KCNC1: variants seen among roughly 807,000 people sequenced by gnomAD.
KCNC1 encodes the protein potassium voltage-gated channel subfamily C member 1, also known as voltage-gated potassium channel KCNC1.
A neutral mutation model predicts 43.4 loss-of-function variants in KCNC1; 8 were observed. That is an observed-to-expected ratio of 0.18 (90% confidence interval 0.11 to 0.33). KCNC1 has a LOEUF of 0.33. Ranked by LOEUF, KCNC1 falls within the 10% of genes least tolerant of loss-of-function variation. The pLI, the probability that KCNC1 is intolerant of heterozygous loss-of-function variation, is 1.00. For missense variants in KCNC1, 420 were observed against 836.0 expected (o/e 0.50, Z 6.14); for synonymous variants, 361 against 360.5 (o/e 1.00, Z -0.01).
chr11:17,753,482 G>T (rs10832857), intron 1 of KCNC1, among the ~76,000 whole-genome samples: 1 of 152,106 alleles, frequency 6.6e-6, no homozygotes, highest in South Asian at 2.1e-4. Flanking sequence ...GCCTCTGGCC[G>T]GCACTAGGCA....
At chr11:17,764,264 C>T (rs557890634) in intron 1 of KCNC1, among the ~76,000 whole-genome samples, 4 of 128,724 alleles carry the variant, frequency 3.1e-5, no homozygotes, top group Non-Finnish European at 6.2e-5. Flanking sequence ...CACACACCAC[C>T]GCACACAAAG....
chr11:17,776,932 A>T lies in KCNC1; in HGVS notation c.1505-2524A>T. ...GGCCTGGGCCCCTTCACAGAGCAAG[A>T]CTTAAGCTTCCCCACCCAATCATTA... On this transcript the variant is annotated intron_variant, in intron 2 of 3. Transcript: ENST00000265969. The surrounding 1 kb of genome is among the most constrained non-coding windows in gnomAD (Gnocchi z 4.4). The T allele has an allele frequency of 5.1e-6, 5 of 985,372 alleles. No individual in the cohort carries two copies. The highest frequency in any genetic ancestry group is 6.0e-6 in the Non-Finnish European group (5 of 829,954). 61.0% of individuals were successfully genotyped at this position (985,372 alleles called of 1,614,324 possible).
In KCNC1 at chr11:17,741,222, AC is replaced by A. The variant is rs1454926163; in HGVS notation, c.570+4656del. Among the ~76,000 whole-genome samples, 3 of 52,638 alleles carry A rather than the reference AC, an allele frequency of 5.7e-5. No homozygotes were observed. In the Admixed American group the frequency reaches 7.0e-4, roughly 12 times the overall value. 34.5% of individuals were successfully genotyped at this position (52,638 alleles called of 152,430 possible). ...TTGAATGGTTCCTCCAGCTCCCCCC[AC>A]CCCCCTCCCAGTAATGAAAATCATA... On this transcript the variant is annotated intron_variant, in intron 1 of 3. Coordinates refer to ENST00000265969, the MANE Select transcript of KCNC1 (RefSeq NM_001112741.2).
At chr11:17,766,454 C>A (rs1004703702) in intron 1 of KCNC1, among the ~76,000 whole-genome samples, 3 of 152,116 alleles carry the variant, frequency 2.0e-5, no homozygotes, top group African/African-American at 7.2e-5. Flanking sequence ...GGAAGCAGTC[C>A]CCTAATCTTG....
At position 17,739,058 on chromosome 11, in the gene KCNC1, T is replaced by C. The variant is rs1445260694; in HGVS notation, c.570+2486T>C. Among the ~76,000 whole-genome samples, 2 of 152,190 alleles carry C rather than the reference T, an allele frequency of 1.3e-5. No individual in the cohort carries two copies. The highest frequency in any genetic ancestry group is 2.9e-5 in the Non-Finnish European group (2 of 68,032). On this transcript the variant is annotated intron_variant, in intron 1 of 3. Transcript: ENST00000265969. This position sits in a 1 kb window ranked among gnomAD's most constrained non-coding sequence, Gnocchi z 4.2. Reference sequence around the variant, plus strand: ...CCCGGCTGGCCTAGCTGCACTGCGCTGCCTCTCTGCGGCTCATCTGCGCAC... The same window carrying C: ...CCCGGCTGGCCTAGCTGCACTGCGCCGCCTCTCTGCGGCTCATCTGCGCAC...
In KCNC1 at chr11:17,772,515, C is replaced by A. The variant is rs1554991422; in HGVS notation, c.1421C>A (p.Ser474Tyr). ...CTGGGATCTCCCAATTATTGTAAATCTGTCGTAAACTCTCCACACCACAGT... is the reference window on the plus strand; with the variant it reads ...CTGGGATCTCCCAATTATTGTAAATATGTCGTAAACTCTCCACACCACAGT... ...PQLGSPNYCK[S>Y]VVNSPHHSTQ... The change falls in exon 2 of 4, where the codon TCT (serine) becomes TAT (tyrosine). Residue 474 changes from serine (S) to tyrosine (Y), a missense_variant. Ser to Tyr is a moderately radical substitution (Grantham distance 144, BLOSUM62 -2). Around this residue, in one of 5 missense-constraint regions of KCNC1, gnomAD observed 147 missense variants for 176.1 expected, o/e 0.83. Coordinates refer to ENST00000265969, the MANE Select transcript of KCNC1 (RefSeq NM_001112741.2). 1.2e-6 allele frequency: 2 copies of A among 1,614,224 alleles called. No homozygotes were observed. Among genetic ancestry groups the A allele is most frequent in the Non-Finnish European group, 1.7e-6 (2 of 1,180,036 alleles).
intron 1 of KCNC1, among the ~76,000 whole-genome samples, chr11:17,765,059 A>G (rs1849133310): frequency 6.6e-6 from 1 of 152,134 alleles, no homozygotes; most frequent in African/African-American, 2.4e-5. Context: ...TAGCTATCAC[A>G]TGCCCCCACT....
At position 17,776,755 on chromosome 11, in the gene KCNC1, C is replaced by T. The variant is rs1849292950; in HGVS notation, c.1505-2701C>T. 1 of 985,434 alleles carries T rather than the reference C, an allele frequency of 1.0e-6. No individual in the cohort carries two copies. Among genetic ancestry groups the T allele is most frequent in the Non-Finnish European group, 1.2e-6 (1 of 829,982 alleles). 61.0% of individuals were successfully genotyped at this position (985,434 alleles called of 1,614,324 possible). ...AAAGGATGGGGCAGGGGCGGGGGCTCACACCTTTGACCCTATTCATGGGTT... is the reference window on the plus strand; with the variant it reads ...AAAGGATGGGGCAGGGGCGGGGGCTTACACCTTTGACCCTATTCATGGGTT... On this transcript the variant is annotated intron_variant, in intron 2 of 3. Coordinates refer to ENST00000265969, the MANE Select transcript of KCNC1 (RefSeq NM_001112741.2). The surrounding 1 kb of genome is among the most constrained non-coding windows in gnomAD (Gnocchi z 4.4).
intron 1 of KCNC1, among the ~76,000 whole-genome samples, chr11:17,746,093 G>A (rs1487558043): frequency 2.0e-5 from 3 of 152,152 alleles, no homozygotes; most frequent in Non-Finnish European, 4.4e-5. Flanking sequence ...AAGGCCGAGG[G>A]CAGACATGGG....
chr11:17,752,616 CAG>C (rs1395636872), intron 1 of KCNC1, among the ~76,000 whole-genome samples: 2 of 152,212 alleles, frequency 1.3e-5, no homozygotes, highest in African/African-American at 4.8e-5. Context: ...AAATGTTTGT[CAG>C]GGGGCCAGTA....
rs1162645837 is a variant in KCNC1 at position 17,739,598 on chromosome 11, GGTGAGTGTGTCTGC to G, written c.570+3037_570+3050del. Among the ~76,000 whole-genome samples the G allele has an allele frequency of 6.6e-6, 1 of 151,510 alleles. No homozygotes were observed. The highest frequency in any genetic ancestry group is 1.5e-5 in the Non-Finnish European group (1 of 67,934). ...GGTTTGGAGAGTGCGTGAGAGTCGA[GGTGAGTGTGTCTGC>G]GTGAGTGTGTGGCTGTGTGTGGCAA... On this transcript the variant is annotated intron_variant, in intron 1 of 3. Coordinates refer to ENST00000265969, the MANE Select transcript of KCNC1 (RefSeq NM_001112741.2). This position sits in a 1 kb window ranked among gnomAD's most constrained non-coding sequence, Gnocchi z 4.2.
chr11:17,765,082 G>C (rs1398279993), intron 1 of KCNC1, among the ~76,000 whole-genome samples: 2 of 152,170 alleles, frequency 1.3e-5, no homozygotes, highest in Admixed American at 1.3e-4. Flanking sequence ...CCGCAGCCCT[G>C]CCCTGCCTCA....
At chr11:17,770,516 C>T (rs1163464154) in intron 1 of KCNC1, among the ~76,000 whole-genome samples, 1 of 152,164 alleles carries the variant, frequency 6.6e-6, no homozygotes, top group Non-Finnish European at 1.5e-5. Context: ...GAGACCTTGC[C>T]CCAGAATCCA....
chr11:17,774,853 G>C, intron 2 of KCNC1: 1 of 985,400 alleles, frequency 1.0e-6, no homozygotes, highest in South Asian at 4.7e-5. Flanking sequence ...TGTTGGTGCT[G>C]TCCTGATATC....
At position 17,736,329 on chromosome 11, in the gene KCNC1, C is replaced by T. The variant is rs1590088932; in HGVS notation, c.327C>T (p.Tyr109=). The part of the protein sequence containing the change: ...TDVEPCCWMT[Y]RQHRDAEEAL... ...TGGAGCCCTGCTGCTGGATGACGTACCGCCAGCACCGCGACGCCGAGGAGG... is the reference window on the plus strand; with the variant it reads ...TGGAGCCCTGCTGCTGGATGACGTATCGCCAGCACCGCGACGCCGAGGAGG... Residue 109 remains tyrosine, a synonymous_variant, in exon 1 of 4, where the codon TAC becomes TAT. Coordinates refer to ENST00000265969, the MANE Select transcript of KCNC1 (RefSeq NM_001112741.2). The surrounding 1 kb of genome is among the most constrained non-coding windows in gnomAD (Gnocchi z 9.3). The T allele has an allele frequency of 6.2e-6, 10 of 1,613,108 alleles. No individual in the cohort carries two copies. The highest frequency in any genetic ancestry group is 4.5e-5 in the East Asian group (2 of 44,872).
chr11:17,775,228 AC>A, intron 2 of KCNC1: 1 of 985,536 alleles, frequency 1.0e-6, no homozygotes, highest in Non-Finnish European at 1.2e-6. Context: ...CTCCAATTCC[AC>A]TTTTAAAACC....
At chr11:17,745,340 T>C (rs1489572148) in intron 1 of KCNC1, among the ~76,000 whole-genome samples, 1 of 152,128 alleles carries the variant, frequency 6.6e-6, no homozygotes, top group Admixed American at 6.5e-5. Flanking sequence ...CTGGTAGACC[T>C]TGGGAGTCAT....
At position 17,776,399 on chromosome 11, in the gene KCNC1, C is replaced by T. The variant is rs187170829; in HGVS notation, c.1505-3057C>T. The T allele has an allele frequency of 6.6e-5, 65 of 985,448 alleles. No homozygotes were observed. The highest frequency in any genetic ancestry group is 1.9e-4 in the African/African-American group (11 of 57,382). 61.0% of individuals were successfully genotyped at this position (985,448 alleles called of 1,614,324 possible). On this transcript the variant is annotated intron_variant, in intron 2 of 3. Transcript: ENST00000265969. This position sits in a 1 kb window ranked among gnomAD's most constrained non-coding sequence, Gnocchi z 4.4. Reference sequence around the variant, plus strand: ...CAACCCCCAACCCACCCCAGCCCCGCGTGCGCCCCTCCGGTGCCCGCAGCT... The same window carrying T: ...CAACCCCCAACCCACCCCAGCCCCGTGTGCGCCCCTCCGGTGCCCGCAGCT...
chr11:17,740,870 A>G (rs1590091332), intron 1 of KCNC1, among the ~76,000 whole-genome samples: 1 of 152,040 alleles, frequency 6.6e-6, no homozygotes, highest in Non-Finnish European at 1.5e-5. Flanking sequence ...AAGGAAATTT[A>G]CCTGGTGGCG....
Sources: gnomAD v4.1 joint callset for allele counts (sites outside exome capture counted in the v4.1 genomes callset) on GRCh38, gnomAD v4.1.1 for gene constraint, gnomAD v4.1.1 regional missense constraint, Gnocchi (gnomAD v3.1) non-coding constraint, MANE v1.5 for transcripts, NCBI Gene and HGNC (gene_info 2026-07-23, HGNC 2026-07-21) for gene names.